The following CCSER1 variants were observed in gnomAD, a reference collection of about 807,000 sequenced individuals.
CCSER1 encodes the protein coiled-coil serine rich protein 1, also known as serine-rich coiled-coil domain-containing protein 1.
CCSER1 carries 41 observed loss-of-function variants against 82.0 expected under a neutral mutation model. That is an observed-to-expected ratio of 0.50 (90% CI 0.39 to 0.65). CCSER1 has a LOEUF of 0.65. CCSER1 is among the 30% of genes least tolerant of loss of function. CCSER1 has a pLI of 0.00. For synonymous variants in CCSER1, 414 were observed against 383.9 expected, an observed-to-expected ratio of 1.08 and a Z score of -0.92; for missense variants, 1,119 against 1,064.2, an observed-to-expected ratio of 1.05 and a Z score of -0.72.
At chr4:91,466,765 G>A (rs1329612592) in intron 10 of CCSER1, among the ~76,000 whole-genome samples, 2 of 152,102 alleles carry the variant, frequency 1.3e-5, no homozygotes, top group Non-Finnish European at 2.9e-5. Context: ...TTGCTTCAAA[G>A]AGAATAAAAT....
intron 5 of CCSER1, among the ~76,000 whole-genome samples, chr4:90,472,963 A>G (rs548871883): frequency 6.6e-6 from 1 of 152,324 alleles, no homozygotes; most frequent in South Asian, 2.1e-4. Flanking sequence ...AATACCACAT[A>G]TCCATACGTA....
rs759173030 is a variant in CCSER1, at chr4:90,309,617, AT to A, written c.1324+17del. 38 of 1,537,928 alleles carry A rather than the reference AT, an allele frequency of 2.5e-5. No homozygotes were observed. The highest frequency in any genetic ancestry group is 4.5e-5 in the East Asian group (2 of 44,024). On this transcript the variant is annotated intron_variant, in intron 2 of 10. Transcript: ENST00000509176. ...AGCAAATCCTGCCAAAGGTATGCTG[AT>A]TTTTTTTGTATAACAAATGATATGA...
chr4:90,886,251 G>T (rs556283432), intron 8 of CCSER1, among the ~76,000 whole-genome samples: 2 of 152,140 alleles, frequency 1.3e-5, no homozygotes, highest in Admixed American at 1.3e-4. Flanking sequence ...ATTTGCAGAG[G>T]TAGGCTCCTT....
chr4:90,618,185 C>G (rs567981277), intron 5 of CCSER1, among the ~76,000 whole-genome samples: 1 of 152,064 alleles, frequency 6.6e-6, no homozygotes, highest in South Asian at 2.1e-4. Flanking sequence ...GTTGTAATCT[C>G]AAAGTCATAA....
intron 3 of CCSER1, among the ~76,000 whole-genome samples, chr4:90,360,790 A>G (rs558307876): frequency 6.6e-6 from 1 of 152,250 alleles, no homozygotes; most frequent in African/African-American, 2.4e-5. Flanking sequence ...AACATAATGC[A>G]TATGAATTAC....
intron 1 of CCSER1, among the ~76,000 whole-genome samples, chr4:90,178,844 A>C (rs140022335): frequency 6.1e-4 from 93 of 152,318 alleles, no homozygotes; most frequent in African/African-American, 2.1e-3. Context: ...TTTTCAATAA[A>C]ATTCTATATG....
intron 1 of CCSER1, among the ~76,000 whole-genome samples, chr4:90,298,543 A>G (rs1409057102): frequency 6.6e-6 from 1 of 151,644 alleles, no homozygotes; most frequent in Non-Finnish European, 1.5e-5. Context: ...TAGCTTTTGA[A>G]TGTGTTTGCT....
intron 10 of CCSER1, among the ~76,000 whole-genome samples, chr4:91,592,126 T>G (rs1764297219): frequency 1.3e-5 from 2 of 152,168 alleles, no homozygotes; most frequent in South Asian, 4.1e-4. Flanking sequence ...CCTGGTGTGT[T>G]AGTCCACTCT....
chr4:90,715,507 T>C (rs1338692495), intron 6 of CCSER1, among the ~76,000 whole-genome samples: 1 of 151,928 alleles, frequency 6.6e-6, no homozygotes, highest in Non-Finnish European at 1.5e-5. Context: ...AAGATCAGAG[T>C]AGAGCTAAGA....
intron 6 of CCSER1, among the ~76,000 whole-genome samples, chr4:90,629,521 G>GT (rs1723961243): frequency 6.6e-6 from 1 of 152,186 alleles, no homozygotes; most frequent in Non-Finnish European, 1.5e-5. Flanking sequence ...CATGAGAACT[G>GT]TATGTGGGGA....
At chr4:91,382,510 CATGGGAT>C (rs1750983415) in intron 10 of CCSER1, among the ~76,000 whole-genome samples, 1 of 152,204 alleles carries the variant, frequency 6.6e-6, no homozygotes, top group Admixed American at 6.5e-5. Flanking sequence ...CTGAGCCAGG[CATGGGAT>C]ATAATCTCCT....
chr4:90,645,220 A>G (rs1280529054), intron 6 of CCSER1, among the ~76,000 whole-genome samples: 5 of 152,200 alleles, frequency 3.3e-5, no homozygotes, highest in Non-Finnish European at 5.9e-5. Flanking sequence ...ATAGGATATC[A>G]GTGAATTATA....
intron 5 of CCSER1, among the ~76,000 whole-genome samples, chr4:90,616,235 A>G (rs1191494274): frequency 1.3e-5 from 2 of 152,218 alleles, no homozygotes; most frequent in East Asian, 1.9e-4. Context: ...TTGCAGTGGC[A>G]TGGAACCTAA....
chr4:90,214,379 GA>G (rs1207416671), intron 1 of CCSER1, among the ~76,000 whole-genome samples: 26 of 152,160 alleles, frequency 1.7e-4, no homozygotes, highest in Admixed American at 1.4e-3. Flanking sequence ...TAAAGAATAT[GA>G]ATATATCACC....
chr4:90,322,602 A>G (rs1737368711), intron 3 of CCSER1, among the ~76,000 whole-genome samples: 1 of 152,106 alleles, frequency 6.6e-6, no homozygotes, highest in Non-Finnish European at 1.5e-5. Flanking sequence ...TTGATTTTTC[A>G]GTTTCATCTT....
intron 3 of CCSER1, among the ~76,000 whole-genome samples, chr4:90,381,572 A>G (rs1749217250): frequency 6.6e-6 from 1 of 152,166 alleles, no homozygotes; most frequent in African/African-American, 2.4e-5. Context: ...ACCATGGTGT[A>G]CACAGTATTA....
At chr4:91,350,033 G>GT (rs941415674) in intron 10 of CCSER1, among the ~76,000 whole-genome samples, 1 of 152,020 alleles carries the variant, frequency 6.6e-6, no homozygotes, top group Non-Finnish European at 1.5e-5. Flanking sequence ...AGTTTGTTCT[G>GT]TTTTTTCATT....
At chr4:90,918,580 G>GA (rs34411994) in intron 8 of CCSER1, among the ~76,000 whole-genome samples, 1 of 150,390 alleles carries the variant, frequency 6.6e-6, no homozygotes, top group African/African-American at 2.4e-5. Context: ...ACGTGCAAAT[G>GA]AAAAAAACAT....
chr4:91,197,476 G>A (rs750017994), intron 10 of CCSER1, among the ~76,000 whole-genome samples: 78 of 152,236 alleles, frequency 5.1e-4, no homozygotes, highest in Non-Finnish European at 9.3e-4. Flanking sequence ...CTTAAATGTA[G>A]CTCGTGTGCC....
Sources: gnomAD v4.1 joint callset for allele counts (sites outside exome capture counted in the v4.1 genomes callset) on GRCh38, gnomAD v4.1.1 for gene constraint, MANE v1.5 for transcripts, NCBI Gene and HGNC (gene_info 2026-07-23, HGNC 2026-07-21) for gene names.